KIF24: variants seen among roughly 807,000 people sequenced by gnomAD.
KIF24 encodes kinesin family member 24, also known as kinesin-like protein KIF24.
KIF24 carries 81 observed loss-of-function variants against 118.9 expected under a neutral mutation model. That is an observed-to-expected ratio of 0.68 (90% confidence interval 0.57 to 0.82). The LOEUF is 0.82. KIF24 is among the 40% of genes least tolerant of loss of function. The pLI, the probability that KIF24 is intolerant of heterozygous loss-of-function variation, is 0.00. For synonymous variants in KIF24, 599 were observed against 610.0 expected, an observed-to-expected ratio of 0.98 and a Z score of 0.27; for missense variants, 1,560 against 1,661.6, an observed-to-expected ratio of 0.94 and a Z score of 1.06.
chr9:34,261,036 A>G (rs1259037514), intron 9 of KIF24, among the ~76,000 whole-genome samples: 3 of 152,210 alleles, frequency 2.0e-5, no homozygotes, highest in Non-Finnish European at 4.4e-5. Context: ...CTAACCACCT[A>G]TAAGTAGGTT....
chr9:34,271,510 C>T (rs1388928792), intron 7 of KIF24, among the ~76,000 whole-genome samples: 2 of 151,834 alleles, frequency 1.3e-5, no homozygotes, highest in Non-Finnish European at 2.9e-5. Flanking sequence ...CTTTTTTTGG[C>T]GTGTAAGCTC....
At chr9:34,285,022 G>GA (rs140886735) in intron 6 of KIF24, among the ~76,000 whole-genome samples, 1 of 151,228 alleles carries the variant, frequency 6.6e-6, no homozygotes, top group African/African-American at 2.4e-5. Context: ...CCCAGAACAG[G>GA]AAAAAAAAAT....
intron 4 of KIF24, among the ~76,000 whole-genome samples, chr9:34,296,144 G>A (rs1252708300): frequency 1.3e-5 from 2 of 150,052 alleles, no homozygotes; most frequent in East Asian, 2.0e-4. Flanking sequence ...GCGTGAACCC[G>A]GGAGGCAGAG....
chr9:34,256,388 C>T lies in KIF24; in HGVS notation c.3219G>A (p.Gln1073=), dbSNP rs766754608. 1 of 1,613,952 alleles carries T rather than the reference C, an allele frequency of 6.2e-7. No homozygotes were observed. The highest frequency in any genetic ancestry group is 1.1e-5 in the South Asian group (1 of 91,084). The change falls in exon 11 of 13, where the codon CAG becomes CAA. Residue 1073 remains glutamine, a synonymous_variant. Coordinates refer to ENST00000402558, the MANE Select transcript of KIF24 (RefSeq NM_194313.4). ...CCACTAGACTGTGCGTAGCCCCATC[C>T]TGGACCAGCTGCTCCGAGGGAGGAG... ...EGSPPSEQLV[Q]DGATHSLVAE...
intron 6 of KIF24, among the ~76,000 whole-genome samples, chr9:34,276,007 G>A (rs749089751): frequency 6.6e-6 from 1 of 152,166 alleles, no homozygotes; most frequent in Non-Finnish European, 1.5e-5. Flanking sequence ...CTGCTGTGTG[G>A]CAGAGCCAAA....
At chr9:34,290,997 G>C (rs903300857) in intron 4 of KIF24, among the ~76,000 whole-genome samples, 2 of 152,130 alleles carry the variant, frequency 1.3e-5, no homozygotes, top group Non-Finnish European at 2.9e-5. Context: ...TAGCCAATAA[G>C]CATTTACTGA....
chr9:34,280,838 T>C (rs1343120342), intron 6 of KIF24, among the ~76,000 whole-genome samples: 2 of 152,222 alleles, frequency 1.3e-5, no homozygotes, highest in Non-Finnish European at 2.9e-5. Flanking sequence ...AAAAGATATA[T>C]ACCAATGATG....
At chr9:34,286,971 C>T (rs1836075299) in intron 5 of KIF24, among the ~76,000 whole-genome samples, 1 of 152,180 alleles carries the variant, frequency 6.6e-6, no homozygotes, top group South Asian at 2.1e-4. Flanking sequence ...GGATGATGTA[C>T]ACCTGGCTAT....
chr9:34,322,556 T>C (rs1479507753), intron 1 of KIF24, among the ~76,000 whole-genome samples: 1 of 151,952 alleles, frequency 6.6e-6, no homozygotes, highest in African/African-American at 2.4e-5. Flanking sequence ...CGCTGGACTA[T>C]TAGAAACTGA....
chr9:34,314,723 G>A (rs543306930), intron 1 of KIF24, among the ~76,000 whole-genome samples: 68 of 152,220 alleles, frequency 4.5e-4, no homozygotes, highest in African/African-American at 1.6e-3. Context: ...ACAAAATGAC[G>A]TTAACTATAA....
intron 3 of KIF24, among the ~76,000 whole-genome samples, chr9:34,300,867 AAAAAAAAG>A (rs1379946772): frequency 3.8e-4 from 57 of 151,204 alleles, no homozygotes; most frequent in African/African-American, 1.3e-3. Flanking sequence ...AAAAAAAAAA[AAAAAAAAG>A]AAAAAACCCA....
intron 1 of KIF24, among the ~76,000 whole-genome samples, chr9:34,320,435 A>G (rs1837480144): frequency 6.6e-6 from 1 of 151,688 alleles, no homozygotes; most frequent in African/African-American, 2.4e-5. Flanking sequence ...AGGCAAGCGG[A>G]TCACCTGAGA....
chr9:34,288,618 GAT>G (rs145909679), intron 5 of KIF24, among the ~76,000 whole-genome samples: 5 of 149,374 alleles, frequency 3.3e-5, no homozygotes, highest in South Asian at 2.1e-4. Context: ...CAATTAAATG[GAT>G]ATATATATAT....
At chr9:34,322,544 C>T (rs1218713910) in intron 1 of KIF24, among the ~76,000 whole-genome samples, 1 of 151,890 alleles carries the variant, frequency 6.6e-6, no homozygotes, top group Non-Finnish European at 1.5e-5. Context: ...AGTCACTGGG[C>T]CCGCTGGACT....
chr9:34,274,971 C>G (rs572405923), intron 6 of KIF24, among the ~76,000 whole-genome samples: 3 of 151,984 alleles, frequency 2.0e-5, no homozygotes, highest in African/African-American at 7.2e-5. Context: ...GACATAGACA[C>G]TAGAAGGATG....
intron 1 of KIF24, among the ~76,000 whole-genome samples, chr9:34,328,203 T>C (rs1448633804): frequency 1.3e-5 from 2 of 152,240 alleles, no homozygotes; most frequent in Admixed American, 6.5e-5. Flanking sequence ...AGCTGTTATA[T>C]GCACTTCAAT....
At chr9:34,259,954 C>A (rs549873084) in intron 9 of KIF24, among the ~76,000 whole-genome samples, 1 of 152,226 alleles carries the variant, frequency 6.6e-6, no homozygotes, top group South Asian at 2.1e-4. Flanking sequence ...AAGAGACTAA[C>A]GATGCCATTC....
chr9:34,258,034 C>G, intron 10 of KIF24, 53 bp from the exon 11 acceptor site: 1 of 1,339,882 alleles, frequency 7.5e-7, no homozygotes, highest in Non-Finnish European at 1.0e-6. Flanking sequence ...TCTGCAATTC[C>G]TTTTCTATAG....
chr9:34,296,291 C>A (rs1836473453), intron 4 of KIF24, among the ~76,000 whole-genome samples: 1 of 148,354 alleles, frequency 6.7e-6, no homozygotes, highest in Admixed American at 6.8e-5. Flanking sequence ...CTTTGGGAGG[C>A]CGAGGCGGGC....
Sources: gnomAD v4.1 joint callset for allele counts (sites outside exome capture counted in the v4.1 genomes callset) on GRCh38, gnomAD v4.1.1 for gene constraint, MANE v1.5 for transcripts, NCBI Gene and HGNC (gene_info 2026-07-23, HGNC 2026-07-21) for gene names.